Variants in AKAP9 observed in about 807,000 individuals in gnomAD.
The protein encoded by AKAP9 is A-kinase anchoring protein 9.
AKAP9 carries 311 observed loss-of-function variants against 488.5 expected under a neutral mutation model. That is an observed-to-expected ratio of 0.64 (90% confidence interval 0.58 to 0.70). The LOEUF (loss-of-function observed/expected upper bound fraction) is 0.70, where lower values mean the gene tolerates loss of function less well. Ranked by LOEUF, AKAP9 falls within the 30% of genes least tolerant of loss-of-function variation. The pLI is 0.00. For missense variants in AKAP9, 4,215 were observed against 4,374.5 expected, an observed-to-expected ratio of 0.96 and a Z score of 1.03; for synonymous variants, 1,462 against 1,483.5, an observed-to-expected ratio of 0.99 and a Z score of 0.33.
chr7:92,062,173 A>G, intron 23 of AKAP9, 101 bp from the exon 24 acceptor site: 4 of 1,054,322 alleles, frequency 3.8e-6, no homozygotes, highest in East Asian at 2.5e-5. Flanking sequence ...GGAATGATGG[A>G]AAGTTTTGCT....
At chr7:91,952,099 T>TCACTATTTTTTGTAAAGA (rs1792329026) in intron 1 of AKAP9, among the ~76,000 whole-genome samples, 1 of 152,150 alleles carries the variant, frequency 6.6e-6, no homozygotes. Flanking sequence ...TTTTCAGTCT[T>TCACTATTTTTTGTAAAGA]TCAGATCAAA....
chr7:92,044,444 C>G (rs1219052501), intron 20 of AKAP9, among the ~76,000 whole-genome samples: 1 of 152,206 alleles, frequency 6.6e-6, no homozygotes, highest in East Asian at 1.9e-4. Flanking sequence ...AAAAACACAT[C>G]GCTGCCTAAC....
intron 22 of AKAP9, among the ~76,000 whole-genome samples, chr7:92,055,832 A>T (rs1461986491): frequency 6.6e-6 from 1 of 152,042 alleles, no homozygotes; most frequent in Non-Finnish European, 1.5e-5. Context: ...CAAGGGCTGT[A>T]TGCCACTATC....
chr7:92,096,334 GTTT>G (rs769758632), intron 40 of AKAP9, among the ~76,000 whole-genome samples: 1 of 123,964 alleles, frequency 8.1e-6, no homozygotes. Context: ...AGTTTTTTTT[GTTT>G]TTTTTTTTTT....
chr7:92,069,176 C>T (rs1431185292), intron 26 of AKAP9, among the ~76,000 whole-genome samples: 1 of 152,170 alleles, frequency 6.6e-6, no homozygotes, highest in African/African-American at 2.4e-5. Flanking sequence ...AAAAAGCTTT[C>T]CCAATGACTG....
At chr7:91,993,162 C>G in intron 5 of AKAP9, 107 bp downstream of exon 5, 1 of 1,165,826 alleles carries the variant, frequency 8.6e-7, no homozygotes, top group Non-Finnish European at 1.2e-6. Context: ...TTTTTTTTAA[C>G]TTTTTTCTTT....
chr7:92,089,743 C>T (rs571927126), intron 38 of AKAP9: 19 of 499,734 alleles, frequency 3.8e-5, no homozygotes, highest in African/African-American at 3.1e-4. Flanking sequence ...AAATAAACTG[C>T]CATTCCCCTG....
chr7:92,050,926 A>C (rs1458321914), intron 21 of AKAP9, among the ~76,000 whole-genome samples: 1 of 151,464 alleles, frequency 6.6e-6, no homozygotes, highest in East Asian at 1.9e-4. Flanking sequence ...CATCTTACGC[A>C]TATCTTCTTT....
In AKAP9 at chr7:92,076,984, G is replaced by C. The variant is rs770443947; in HGVS notation, c.6742G>C (p.Glu2248Gln). The change falls in exon 29 of 50, where the codon GAA becomes CAA. Residue 2248 changes from glutamate (E) to glutamine (Q), a missense_variant. Physicochemically the swap from Glu to Gln is conservative, Grantham distance 29 (BLOSUM62 2). Coordinates refer to ENST00000356239, the MANE Select transcript of AKAP9 (RefSeq NM_005751.5). ...KESTTRLQEL[E>Q]QENKLFKDDM... ...ATCTACTACCCGCCTACAAGAACTT[G>C]AACAGGAAAACAAATTATTTAAGGT... 9 of 1,571,984 alleles carry C rather than the reference G, an allele frequency of 5.7e-6. No homozygotes were observed. Among genetic ancestry groups the C allele is most frequent in the Admixed American group, 1.8e-5 (1 of 55,470 alleles).
chr7:92,018,457 A>G (rs1311647411), intron 12 of AKAP9, among the ~76,000 whole-genome samples: 1 of 149,144 alleles, frequency 6.7e-6, no homozygotes, highest in Non-Finnish European at 1.5e-5. Context: ...AATATTCAAA[A>G]CTAAATGTTC....
chr7:92,033,285 C>G (rs528112856), intron 16 of AKAP9, among the ~76,000 whole-genome samples: 6 of 152,084 alleles, frequency 3.9e-5, no homozygotes, highest in African/African-American at 1.4e-4. Context: ...AGCCAAGATA[C>G]TGTGGTCCAA....
chr7:92,095,050 A>C lies in AKAP9; in HGVS notation c.9606A>C (p.Glu3202Asp). Residue 3202 changes from glutamate (E) to aspartate (D), a missense_variant, in exon 40 of 50, where the codon GAA becomes GAC. Coordinates refer to ENST00000356239, the MANE Select transcript of AKAP9 (RefSeq NM_005751.5). Reference sequence around the variant, plus strand: ...TGGAAGTTAAAGATAAGACAGATGAAGTACATTTGCTTAATGACACATTAG... The same window carrying C: ...TGGAAGTTAAAGATAAGACAGATGACGTACATTTGCTTAATGACACATTAG... The part of the protein sequence containing the change: ...FRLEVKDKTD[E>D]VHLLNDTLAS... 6.2e-7 allele frequency: 1 copy of C among 1,614,154 alleles called. No homozygotes were observed. The highest frequency in any genetic ancestry group is 8.5e-7 in the Non-Finnish European group (1 of 1,179,968).
chr7:92,013,291 G>A (rs1479403318), intron 9 of AKAP9, among the ~76,000 whole-genome samples: 4 of 152,154 alleles, frequency 2.6e-5, no homozygotes, highest in East Asian at 1.9e-4. Flanking sequence ...GCGCCCGGCC[G>A]GGGTTGGAAT....
chr7:92,087,098 A>G (rs1019218477), intron 37 of AKAP9, among the ~76,000 whole-genome samples: 2 of 152,240 alleles, frequency 1.3e-5, no homozygotes, highest in African/African-American at 4.8e-5. Flanking sequence ...GGGGACACCC[A>G]CATTGGACCA....
intron 3 of AKAP9, among the ~76,000 whole-genome samples, chr7:91,981,754 T>C (rs1796438899): frequency 6.6e-6 from 1 of 152,020 alleles, no homozygotes; most frequent in East Asian, 1.9e-4. Context: ...TACAGGCATG[T>C]GCCACCACAC....
At chr7:91,982,166 C>CGTATGTATGTAT (rs201231009) in intron 3 of AKAP9, among the ~76,000 whole-genome samples, 4 of 150,368 alleles carry the variant, frequency 2.7e-5, no homozygotes, top group Admixed American at 1.3e-4. Flanking sequence ...ATTTTACGTA[C>CGTATGTATGTAT]GTATGTATGT....
At chr7:92,048,186 A>C (rs1807328263) in intron 21 of AKAP9, among the ~76,000 whole-genome samples, 2 of 152,324 alleles carry the variant, frequency 1.3e-5, no homozygotes, top group Non-Finnish European at 2.9e-5. Context: ...TTTTAGTATA[A>C]CAAAAAAATT....
chr7:92,077,570 C>A (rs1454708520), intron 29 of AKAP9, 126 bp from the exon 30 acceptor site: 23 of 817,790 alleles, frequency 2.8e-5, no homozygotes, highest in Non-Finnish European at 4.6e-5. Flanking sequence ...TATTGATTTA[C>A]AGTAACCATA....
At chr7:92,092,283 T>C (rs1467708546) in intron 38 of AKAP9, 1 of 152,170 alleles carries the variant, frequency 6.6e-6, no homozygotes, top group Admixed American at 6.5e-5. Flanking sequence ...AAAAGGACGG[T>C]ATCCAAAGGG....
Sources: allele counts gnomAD v4.1 joint callset (sites outside exome capture counted in the v4.1 genomes callset), GRCh38; gene constraint gnomAD v4.1.1; transcripts MANE v1.5; gene names NCBI Gene and HGNC (gene_info 2026-07-23, HGNC 2026-07-21).